ZNF675: variants seen among roughly 807,000 people sequenced by gnomAD.
ZNF675 encodes the protein zinc finger protein 675, also known as TRAF6 inhibitory zinc finger.
ZNF675 carries 36 observed loss-of-function variants against 56.1 expected under a neutral mutation model. The observed-to-expected ratio is 0.64, with a 90% CI of 0.49 to 0.85. The LOEUF is 0.85. Ranked by LOEUF, ZNF675 falls within the 40% of genes least tolerant of loss-of-function variation. ZNF675 has a pLI of 0.00. For synonymous variants in ZNF675, 200 were observed against 218.9 expected (o/e 0.91, Z 0.76); for missense variants, 663 against 654.2 (o/e 1.01, Z -0.15).
intron 1 of ZNF675, 137 bp from the exon 2 acceptor site, chr19:23,663,295 T>G: frequency 8.8e-7 from 1 of 1,141,408 alleles, no homozygotes; most frequent in Non-Finnish European, 1.2e-6. Flanking sequence ...AAAATCATAT[T>G]TTTTACACAG....
chr19:23,683,201 G>A (rs1405034475), intron 1 of ZNF675, among the ~76,000 whole-genome samples: 1 of 150,670 alleles, frequency 6.6e-6, no homozygotes, highest in African/African-American at 2.5e-5. Context: ...AAAAAAAAAA[G>A]AAAGTTATCT....
At chr19:23,661,094 T>C (rs1313928621) in intron 3 of ZNF675, among the ~76,000 whole-genome samples, 1 of 152,144 alleles carries the variant, frequency 6.6e-6, no homozygotes, top group Non-Finnish European at 1.5e-5. Context: ...CACACCTGGC[T>C]AATTTTTTGT....
chr19:23,661,872 G>C, intron 3 of ZNF675: 1 of 385,746 alleles, frequency 2.6e-6, no homozygotes, highest in South Asian at 3.5e-5. Flanking sequence ...CCATGAAGCG[G>C]ACACTGGTTC....
intron 3 of ZNF675, among the ~76,000 whole-genome samples, chr19:23,659,221 G>A (rs1480441729): frequency 6.6e-6 from 1 of 151,878 alleles, no homozygotes; most frequent in Non-Finnish European, 1.5e-5. Context: ...ATTTACTTTA[G>A]ACATTACATG....
chr19:23,683,042 A>C (rs1968396776), intron 1 of ZNF675, among the ~76,000 whole-genome samples: 1 of 151,476 alleles, frequency 6.6e-6, no homozygotes, highest in Non-Finnish European at 1.5e-5. Flanking sequence ...TACAAAAATT[A>C]GCCAGGCGTG....
At chr19:23,685,640 T>TA (rs1222536616) in intron 1 of ZNF675, among the ~76,000 whole-genome samples, 7 of 152,194 alleles carry the variant, frequency 4.6e-5, no homozygotes, top group Non-Finnish European at 8.8e-5. Flanking sequence ...TTTCTTCTCA[T>TA]AAAAAATATT....
rs372302734 is a variant in ZNF675, at chr19:23,653,494, T to C, written c.1439A>G (p.Tyr480Cys). Reference protein sequence around the residue: ...HKKIHSGEIPYKCEECGKAFK... With the variant: ...HKKIHSGEIPCKCEECGKAFK... ...AGCTTTGCCACATTCTTCACACTTGTAGGGTATCTCTCCAGAATGAATTTT... is the reference window on the plus strand; with the variant it reads ...AGCTTTGCCACATTCTTCACACTTGCAGGGTATCTCTCCAGAATGAATTTT... Residue 480 changes from tyrosine to cysteine, a missense_variant, in exon 4 of 4, where the codon TAC becomes TGC. Tyr to Cys is a radical substitution (Grantham distance 194, BLOSUM62 -2). Coordinates refer to ENST00000359788, the MANE Select transcript of ZNF675 (RefSeq NM_138330.3). The C allele has an allele frequency of 3.1e-6, 5 of 1,613,140 alleles. No homozygotes were observed. The highest frequency in any genetic ancestry group is 1.1e-5 in the South Asian group (1 of 91,052).
intron 1 of ZNF675, among the ~76,000 whole-genome samples, chr19:23,675,975 G>A (rs202204333): frequency 2.7e-5 from 2 of 72,934 alleles, no homozygotes; most frequent in Admixed American, 4.0e-4. Context: ...GAAAAAAAGA[G>A]AAGATCCAAA....
Position 23,654,013 on chromosome 19 carries a change from G to A in ZNF675, c.920C>T (p.Thr307Ile), listed in dbSNP as rs115727601. ...TTCACATATGTAGGGTTGCTCTCCA[G>A]TATGAATTTTTTTATGTGTAGTAAG... is the stretch of plus-strand genomic sequence containing the variant. ...SNLTTHKKIH[T>I]GEQPYICEEC... Residue 307 changes from threonine (T) to isoleucine (I), a missense_variant, in exon 4 of 4, where the codon ACT becomes ATT. Thr to Ile is a moderately conservative substitution (Grantham distance 89). Coordinates refer to ENST00000359788, the MANE Select transcript of ZNF675 (RefSeq NM_138330.3). 214 of 1,613,802 alleles carry A rather than the reference G, an allele frequency of 1.3e-4. No individual in the cohort carries two copies. In the African/African-American group the frequency reaches 2.5e-3, roughly 19 times the overall value.
At chr19:23,672,170 G>C (rs1395929115) in intron 1 of ZNF675, among the ~76,000 whole-genome samples, 1 of 8,936 alleles carries the variant, frequency 1.1e-4, no homozygotes, top group Non-Finnish European at 2.4e-4. Flanking sequence ...TTAGCTCTTG[G>C]GTTTAAAAAA....
intron 1 of ZNF675, among the ~76,000 whole-genome samples, chr19:23,668,069 A>G: frequency 7.3e-6 from 1 of 137,696 alleles, no homozygotes; most frequent in South Asian, 2.4e-4. Flanking sequence ...GCTAGACATA[A>G]AGGTTCTCCA....
At chr19:23,654,754 T>C in intron 3 of ZNF675, 48 bp from the exon 4 acceptor site, 1 of 1,425,998 alleles carries the variant, frequency 7.0e-7, no homozygotes, top group Non-Finnish European at 9.3e-7. Context: ...CAGATAAATA[T>C]ACTTTCCAAA....
At position 23,662,105 on chromosome 19, in the gene ZNF675, C is replaced by A. The variant is rs775280823; in HGVS notation, c.226+9G>T. 1 of 1,607,450 alleles carries A rather than the reference C, an allele frequency of 6.2e-7. No individual in the cohort carries two copies. Among genetic ancestry groups the A allele is most frequent in the Admixed American group, 1.7e-5 (1 of 59,946 alleles). On this transcript the variant is annotated intron_variant, in intron 3 of 3. Coordinates refer to ENST00000359788, the MANE Select transcript of ZNF675 (RefSeq NM_138330.3). ...GTCACCTGTTGTATTCACTTTCATT[C>A]TCACTTACCTGGGGGTTCATTCACC...
intron 3 of ZNF675, among the ~76,000 whole-genome samples, chr19:23,657,481 CCA>C (rs1233461159): frequency 6.6e-6 from 1 of 152,126 alleles, no homozygotes; most frequent in Non-Finnish European, 1.5e-5. Flanking sequence ...CTTTGGGAGG[CCA>C]AGGCAGGTGG....
At position 23,663,089 on chromosome 19, in the gene ZNF675, G is replaced by A; in HGVS notation, c.73C>T (p.Gln25Ter). 6.2e-7 allele frequency: 1 copy of A among 1,610,248 alleles called. No homozygotes were observed. The highest frequency in any genetic ancestry group is 8.5e-7 in the Non-Finnish European group (1 of 1,178,358). ...LEEWQCLDTA[Q>*]RNLYKNVILE... ...ATCACATTTTTATATAAATTCCGCTGTGCAGTGTCCAGGCATTGCCATTCT... is the reference window on the plus strand; with the variant it reads ...ATCACATTTTTATATAAATTCCGCTATGCAGTGTCCAGGCATTGCCATTCT... The change falls in exon 2 of 4, where the codon CAG becomes TAG. Residue 25 changes from glutamine (Q) to a stop codon, truncating the protein, a stop_gained. Transcript: ENST00000359788. LOFTEE classifies it high-confidence loss of function.
Position 23,654,584 on chromosome 19 carries a change from T to C in ZNF675, c.349A>G (p.Lys117Glu). ...TGCAACTTACATTCATCCACACTTT[T>C]ACAGCCTTTTAACTGAAAATTATCA... ...GNDNFQLKGC[K>E]SVDECKLHKG... Residue 117 changes from lysine (K) to glutamate (E), a missense_variant, in exon 4 of 4, where the codon AAA becomes GAA. Lys to Glu is a moderately conservative substitution (Grantham distance 56). Transcript: ENST00000359788. The C allele has an allele frequency of 6.2e-7, 1 of 1,612,138 alleles. No individual in the cohort carries two copies. Among genetic ancestry groups the C allele is most frequent in the Non-Finnish European group, 8.5e-7 (1 of 1,179,120 alleles).
chr19:23,664,969 A>G (rs1968130590), intron 1 of ZNF675, among the ~76,000 whole-genome samples: 1 of 151,944 alleles, frequency 6.6e-6, no homozygotes, highest in Non-Finnish European at 1.5e-5. Context: ...AAAACAAAAC[A>G]TGATACCTCC....
At chr19:23,665,140 T>C (rs1968132981) in intron 1 of ZNF675, among the ~76,000 whole-genome samples, 2 of 151,474 alleles carry the variant, frequency 1.3e-5, no homozygotes, top group South Asian at 4.2e-4. Context: ...AGGTCAGGAG[T>C]TCCTGACCAG....
chr19:23,665,426 A>C lies in ZNF675; in HGVS notation c.4-2268T>G, dbSNP rs578146302. Among the ~76,000 whole-genome samples the C allele has an allele frequency of 1.2e-4, 18 of 151,678 alleles. 1 individual carries two copies. In the South Asian group the frequency reaches 3.3e-3, roughly 28 times the overall value. On this transcript the variant is annotated intron_variant, in intron 1 of 3. Transcript: ENST00000359788. ...TTTAATGGGCTTAAAAAATACTTGG[A>C]AACTGTGGCTCCACTCTCTGTGATG... is the stretch of plus-strand genomic sequence containing the variant.
Sources: gnomAD v4.1 joint callset for allele counts (sites outside exome capture counted in the v4.1 genomes callset) on GRCh38, gnomAD v4.1.1 for gene constraint, MANE v1.5 for transcripts, NCBI Gene and HGNC (gene_info 2026-07-23, HGNC 2026-07-21) for gene names.